PRORP: variants seen among roughly 807,000 people sequenced by gnomAD.
PRORP encodes the protein protein only RNase P catalytic subunit, also known as mitochondrial ribonuclease P catalytic subunit.
PRORP carries 51 observed loss-of-function variants against 59.4 expected under a neutral mutation model. The ratio of observed to expected loss-of-function variants is 0.86; its 90% CI spans 0.69 to 1.08. PRORP has a LOEUF of 1.08. Ranked by LOEUF, PRORP falls within the 50% of genes least tolerant of loss-of-function variation. PRORP has a pLI of 0.00. For synonymous variants in PRORP, 231 were observed against 245.6 expected, an observed-to-expected ratio of 0.94 and a Z score of 0.55; for missense variants, 646 against 690.3, an observed-to-expected ratio of 0.94 and a Z score of 0.72.
chr14:35,261,897 A>G lies in PRORP; in HGVS notation c.1276-4830A>G, dbSNP rs534034441. Among the ~76,000 whole-genome samples, 100 of 152,198 alleles carry G rather than the reference A, an allele frequency of 6.6e-4. 1 individual carries two copies. Among genetic ancestry groups the G allele is most frequent in the Non-Finnish European group, 8.1e-4 (55 of 68,012 alleles). On this transcript the variant is annotated intron_variant, in intron 5 of 7. Transcript: ENST00000534898. ...CTCATCTTTTTCCCTGTGTCTTTCA[A>G]TTATTCTCCTTTGTTTTCATTGTTT...
At chr14:35,170,911 G>A (rs187460645) in intron 4 of PRORP, among the ~76,000 whole-genome samples, 19 of 149,518 alleles carry the variant, frequency 1.3e-4, no homozygotes, top group South Asian at 8.5e-4. Flanking sequence ...GTGTAATGGC[G>A]CAATCTCGGC....
chr14:35,226,348 C>T (rs1595344524), intron 5 of PRORP, among the ~76,000 whole-genome samples: 2 of 152,268 alleles, frequency 1.3e-5, no homozygotes, highest in African/African-American at 4.8e-5. Flanking sequence ...AGAATATTTA[C>T]AAGGGCTGTA....
intron 5 of PRORP, among the ~76,000 whole-genome samples, chr14:35,247,717 A>G (rs1198036800): frequency 6.6e-6 from 1 of 152,204 alleles, no homozygotes; most frequent in Admixed American, 6.5e-5. Context: ...TGATATTTCC[A>G]TATCAAAATA....
intron 5 of PRORP, among the ~76,000 whole-genome samples, chr14:35,254,703 T>C (rs1013753364): frequency 1.3e-5 from 2 of 152,156 alleles, no homozygotes; most frequent in Non-Finnish European, 2.9e-5. Context: ...ACTCTCCTGT[T>C]TTAAATCCTT....
chr14:35,265,948 G>A (rs2051026659), intron 5 of PRORP, among the ~76,000 whole-genome samples: 2 of 151,116 alleles, frequency 1.3e-5, no homozygotes, highest in Admixed American at 1.3e-4. Context: ...CGCCAAGGCA[G>A]GAGAATTTCT....
At chr14:35,155,234 G>T (rs1022209724) in intron 4 of PRORP, among the ~76,000 whole-genome samples, 2 of 152,054 alleles carry the variant, frequency 1.3e-5, no homozygotes, top group Non-Finnish European at 2.9e-5. Context: ...AATATTTATG[G>T]ATTAAATGAT....
At chr14:35,244,759 G>A (rs1366339272) in intron 5 of PRORP, among the ~76,000 whole-genome samples, 1 of 152,160 alleles carries the variant, frequency 6.6e-6, no homozygotes, top group Non-Finnish European at 1.5e-5. Flanking sequence ...TGTGTGTCCT[G>A]TTTAACCTCT....
chr14:35,215,559 G>A (rs2049565621), intron 5 of PRORP, among the ~76,000 whole-genome samples: 1 of 151,970 alleles, frequency 6.6e-6, no homozygotes. Flanking sequence ...TTTGAAACCA[G>A]CCTAAGCAAC....
At chr14:35,230,272 TA>T (rs2050043171) in intron 5 of PRORP, among the ~76,000 whole-genome samples, 2 of 152,094 alleles carry the variant, frequency 1.3e-5, no homozygotes, top group African/African-American at 4.8e-5. Flanking sequence ...GGCTGGTCTC[TA>T]ACTCCTGGAC....
chr14:35,187,640 G>C (rs1349854845), intron 5 of PRORP, among the ~76,000 whole-genome samples: 1 of 151,728 alleles, frequency 6.6e-6, no homozygotes, highest in African/African-American at 2.4e-5. Flanking sequence ...ATGTTGGCCA[G>C]GTTGGTCTCA....
chr14:35,270,505 A>T lies in PRORP; in HGVS notation c.1529A>T (p.Asp510Val). 1 of 1,614,208 alleles carries T rather than the reference A, an allele frequency of 6.2e-7. No homozygotes were observed. The highest frequency in any genetic ancestry group is 1.6e-4 in the Middle Eastern group (1 of 6,062). The change falls in exon 7 of 8, where the codon GAT becomes GTT. Residue 510 changes from aspartate (D) to valine (V), a missense_variant. Coordinates refer to ENST00000534898, the MANE Select transcript of PRORP (RefSeq NM_014672.4). ...LMRDHKACLP[D>V]AKTQRLFFKW... Reference sequence around the variant, plus strand: ...CGGGACCACAAGGCCTGTCTGCCTGATGCCAAGACCCAACGCCTGTTTTTT... The same window carrying T: ...CGGGACCACAAGGCCTGTCTGCCTGTTGCCAAGACCCAACGCCTGTTTTTT...
intron 5 of PRORP, among the ~76,000 whole-genome samples, chr14:35,238,348 G>T (rs1286520425): frequency 6.6e-6 from 1 of 152,128 alleles, no homozygotes; most frequent in African/African-American, 2.4e-5. Context: ...TAGTTCTCTG[G>T]ATTTGTTTAC....
chr14:35,215,878 T>C (rs1477383906), intron 5 of PRORP, among the ~76,000 whole-genome samples: 1 of 151,794 alleles, frequency 6.6e-6, no homozygotes, highest in Non-Finnish European at 1.5e-5. Flanking sequence ...GCAATTCTCC[T>C]GCCTCAGCCT....
intron 4 of PRORP, among the ~76,000 whole-genome samples, chr14:35,169,193 A>C (rs1270537449): frequency 2.6e-5 from 4 of 152,036 alleles, no homozygotes; most frequent in Admixed American, 6.6e-5. Context: ...ACTTAGTTCA[A>C]AATATTTCCT....
chr14:35,126,427 A>T (rs1438218984), intron 2 of PRORP, among the ~76,000 whole-genome samples: 1 of 152,190 alleles, frequency 6.6e-6, no homozygotes, highest in Admixed American at 6.5e-5. Flanking sequence ...TGGCAGCTTT[A>T]TGGAGAAGGT....
chr14:35,216,124 A>G (rs891831159), intron 5 of PRORP, among the ~76,000 whole-genome samples: 3 of 147,772 alleles, frequency 2.0e-5, no homozygotes, highest in African/African-American at 7.4e-5. Context: ...ATTTATATAT[A>G]ATATATAATA....
chr14:35,122,179 A>G (rs538962924), upstream of PRORP: 12 of 566,932 alleles, frequency 2.1e-5, no homozygotes, highest in African/African-American at 2.2e-4. Flanking sequence ...AAACTATGAA[A>G]GAGATGGAAA....
chr14:35,239,618 A>G (rs1456351529), intron 5 of PRORP, among the ~76,000 whole-genome samples: 1 of 152,198 alleles, frequency 6.6e-6, no homozygotes, highest in Non-Finnish European at 1.5e-5. Flanking sequence ...GTGACCTTTG[A>G]CAGGTTACAT....
intron 4 of PRORP, among the ~76,000 whole-genome samples, chr14:35,162,230 A>C (rs1258723805): frequency 2.0e-5 from 3 of 152,132 alleles, no homozygotes; most frequent in African/African-American, 7.2e-5. Flanking sequence ...GATAGATATA[A>C]GATAGATTCC....
Sources: allele counts gnomAD v4.1 joint callset (sites outside exome capture counted in the v4.1 genomes callset), GRCh38; gene constraint gnomAD v4.1.1; transcripts MANE v1.5; gene names NCBI Gene and HGNC (gene_info 2026-07-23, HGNC 2026-07-21).